The following ALOXE3 variants were observed in gnomAD, a reference collection of about 807,000 sequenced individuals.
ALOXE3 encodes the protein arachidonate epidermal lipoxygenase 3.
In ALOXE3, 78 loss-of-function variants were observed where a neutral mutation model predicts 87.5. The ratio of observed to expected loss-of-function variants is 0.89; its 90% CI spans 0.74 to 1.08. ALOXE3 has a LOEUF of 1.08. Among genes scored for constraint, ALOXE3 ranks in the 50% least tolerant of loss-of-function variants. The pLI is 0.00. For synonymous variants in ALOXE3, 363 were observed against 370.8 expected (o/e 0.98, Z 0.24); for missense variants, 946 against 912.4 (o/e 1.04, Z -0.47).
chr17:8,103,118 A>G (rs576139995), intron 15 of ALOXE3, among the ~76,000 whole-genome samples: 9 of 152,334 alleles, frequency 5.9e-5, no homozygotes, highest in Admixed American at 2.0e-4. Context: ...AAATGGATGG[A>G]CGGACAGATT....
Position 8,108,529 on chromosome 17 carries a change from C to G in ALOXE3, c.1623G>C (p.Ser541=). 2 of 1,613,544 alleles carry G rather than the reference C, an allele frequency of 1.2e-6. No individual in the cohort carries two copies. The highest frequency in any genetic ancestry group is 1.7e-6 in the Non-Finnish European group (2 of 1,179,672). Residue 541 remains serine, a synonymous_variant, in exon 13 of 16, where the codon TCG becomes TCC. Coordinates refer to ENST00000448843, the MANE Select transcript of ALOXE3 (RefSeq NM_021628.3). ...TCTCGCCAGTCCAGGCCTGCAGCTC[C>G]GAATCCTGCTGCACAGATGCGTCAC... The part of the protein sequence containing the change: ...YPSDASVQQD[S]ELQAWTGEIF...
chr17:8,114,886 C>T, intron 5 of ALOXE3, 52 bp downstream of exon 5: 2 of 1,612,526 alleles, frequency 1.2e-6, no homozygotes, highest in Non-Finnish European at 1.7e-6. Flanking sequence ...ATCCTCCCGA[C>T]AGACCTTCCA....
chr17:8,114,430 G>A, intron 6 of ALOXE3, 54 bp downstream of exon 6: 1 of 1,613,290 alleles, frequency 6.2e-7, no homozygotes, highest in Non-Finnish European at 8.5e-7. Flanking sequence ...AGCACGGGGA[G>A]GGGGATGGAT....
intron 13 of ALOXE3, among the ~76,000 whole-genome samples, chr17:8,107,939 A>G (rs1395727843): frequency 0.016 from 85 of 5,154 alleles, 4 homozygotes; most frequent in South Asian, 0.024. Context: ...GAAAGAAAGA[A>G]AGAAAGAAAG....
rs1335409573 is a variant in ALOXE3, at chr17:8,096,285, GAGAAA to G, written c.*337_*341del. 2 of 256,352 alleles carry G rather than the reference GAGAAA, an allele frequency of 7.8e-6. No individual in the cohort carries two copies. Among genetic ancestry groups the G allele is most frequent in the Non-Finnish European group, 1.5e-5 (2 of 132,696 alleles). 15.9% of individuals were successfully genotyped at this position (256,352 alleles called of 1,614,324 possible). ...AGTTTGGGGATTGGGGAGGATGAGG[GAGAAA>G]AGCTCAGAAACCCAAGCTGGGCATT... On this transcript the variant is annotated 3_prime_UTR_variant, in exon 16 of 16. Transcript: ENST00000448843.
At chr17:8,116,540 G>A (rs1206709371) in intron 3 of ALOXE3, among the ~76,000 whole-genome samples, 1 of 152,136 alleles carries the variant, frequency 6.6e-6, no homozygotes, top group Admixed American at 6.6e-5. Context: ...TGAGAGAAGG[G>A]TGCCTGCCTA....
chr17:8,118,201 T>C lies in ALOXE3; in HGVS notation c.-211A>G. ...CCCTGCTGGCGGCTCGGGCTTCCTCTCTCCGCCCACAGTCTTGCACTCTAA... is the reference window on the plus strand; with the variant it reads ...CCCTGCTGGCGGCTCGGGCTTCCTCCCTCCGCCCACAGTCTTGCACTCTAA... On this transcript the variant is annotated 5_prime_UTR_variant, in exon 2 of 16. Coordinates refer to ENST00000448843, the MANE Select transcript of ALOXE3 (RefSeq NM_021628.3). 6.4e-7 allele frequency: 1 copy of C among 1,551,604 alleles called. No individual in the cohort carries two copies. The highest frequency in any genetic ancestry group is 8.7e-7 in the Non-Finnish European group (1 of 1,146,988).
At chr17:8,118,376 C>T (rs1980805760) in intron 1 of ALOXE3, 73 bp from the exon 2 acceptor site, 1 of 1,551,446 alleles carries the variant, frequency 6.4e-7, no homozygotes, top group East Asian at 2.4e-5. Flanking sequence ...CACTGCCCTC[C>T]GCCTGGTCAG....
chr17:8,109,479 C>T, intron 11 of ALOXE3, 136 bp from the exon 12 acceptor site: 1 of 1,199,654 alleles, frequency 8.3e-7, no homozygotes, highest in South Asian at 1.3e-5. Flanking sequence ...CAAATACCCA[C>T]GAGGGCCTGC....
intron 6 of ALOXE3, 65 bp from the exon 7 acceptor site, chr17:8,112,261 G>A (rs894505): frequency 4.9e-6 from 6 of 1,219,372 alleles, no homozygotes; most frequent in Non-Finnish European, 7.3e-6. Context: ...ATCACTGTGT[G>A]CCCCTCTGCC....
intron 15 of ALOXE3, among the ~76,000 whole-genome samples, chr17:8,102,239 A>G (rs1311923849): frequency 6.6e-6 from 1 of 152,218 alleles, no homozygotes; most frequent in African/African-American, 2.4e-5. Context: ...TCACACCTGT[A>G]ATTCCAGCAC....
chr17:8,114,010 A>G (rs1483733211), intron 6 of ALOXE3, among the ~76,000 whole-genome samples: 1 of 145,240 alleles, frequency 6.9e-6, no homozygotes, highest in East Asian at 2.0e-4. Context: ...GGGCGACAGG[A>G]GTGAAACTCC....
intron 13 of ALOXE3, among the ~76,000 whole-genome samples, chr17:8,107,127 A>T (rs1244796921): frequency 1.3e-5 from 2 of 152,210 alleles, no homozygotes; most frequent in Non-Finnish European, 2.9e-5. Flanking sequence ...AGACACCCCA[A>T]ATATGAAACA....
chr17:8,112,056 G>A (rs999243003), intron 7 of ALOXE3, 37 bp downstream of exon 7: 55 of 1,556,092 alleles, frequency 3.5e-5, no homozygotes, highest in Non-Finnish European at 4.8e-5. Flanking sequence ...CATGAGATAA[G>A]GTGAGGGGTA....
Position 8,096,664 on chromosome 17 carries a change from A to G in ALOXE3, c.2099T>C (p.Leu700Pro), listed in dbSNP as rs745985915. 25 of 1,509,130 alleles carry G rather than the reference A, an allele frequency of 1.7e-5. No homozygotes were observed. Among genetic ancestry groups the G allele is most frequent in the Non-Finnish European group, 2.3e-5 (25 of 1,084,400 alleles). 93.5% of individuals were successfully genotyped at this position (1,509,130 alleles called of 1,614,324 possible). ...GCTGTTCTCAATGAGGGGAGGGTCC[A>G]GGTAGGTGTAGGGCAGTGCCAGACC... is the stretch of plus-strand genomic sequence containing the variant. ...NQGLALPYTY[L>P]DPPLIENSVS... The change falls in exon 16 of 16, where the codon CTG becomes CCG. Residue 700 changes from leucine to proline, a missense_variant. Leu to Pro is a moderately conservative substitution (Grantham distance 98). Coordinates refer to ENST00000448843, the MANE Select transcript of ALOXE3 (RefSeq NM_021628.3).
At position 8,118,230 on chromosome 17, in the gene ALOXE3, T is replaced by C. The variant is rs553684505; in HGVS notation, c.-240A>G. ...CGCCCACAGTCTTGCACTCTAATAC[T>C]TGTTTGCTTGCCTCTGACACAGCCG... On this transcript the variant is annotated 5_prime_UTR_variant, in exon 2 of 16. Transcript: ENST00000448843. 5.2e-6 allele frequency: 8 copies of C among 1,551,632 alleles called. No homozygotes were observed. In the Admixed American group the frequency reaches 9.8e-5, roughly 19 times the overall value.
intron 15 of ALOXE3, among the ~76,000 whole-genome samples, chr17:8,100,125 G>A (rs1407508662): frequency 1.3e-5 from 2 of 151,688 alleles, no homozygotes; most frequent in African/African-American, 4.9e-5. Flanking sequence ...AAGAAAGAGA[G>A]GGAGGGAGGG....
At chr17:8,107,810 CAAGAAAGAAAGAAAGAAAGAAAGA>C (rs71312963) in intron 13 of ALOXE3, among the ~76,000 whole-genome samples, 1 of 31,290 alleles carries the variant, frequency 3.2e-5, no homozygotes, top group South Asian at 1.1e-3. Context: ...AAAAAAAAAA[CAAGAAAGAAAGAAAGAAAGAAAGA>C]AAGAAAGAAA....
At chr17:8,107,820 A>T in intron 13 of ALOXE3, among the ~76,000 whole-genome samples, 1 of 2,252 alleles carries the variant, frequency 4.4e-4, no homozygotes, top group East Asian at 7.0e-3. Flanking sequence ...CAAGAAAGAA[A>T]GAAAGAAAGA....
Sources: allele counts gnomAD v4.1 joint callset (sites outside exome capture counted in the v4.1 genomes callset), GRCh38; gene constraint gnomAD v4.1.1; transcripts MANE v1.5; gene names NCBI Gene and HGNC (gene_info 2026-07-23, HGNC 2026-07-21).